UBE2E2: variants seen among roughly 807,000 people sequenced by gnomAD.
The protein encoded by UBE2E2 is ubiquitin-conjugating enzyme E2 E2.
A neutral mutation model predicts 24.7 loss-of-function variants in UBE2E2; 6 were observed. The observed-to-expected ratio is 0.24, with a 90% confidence interval of 0.13 to 0.48. The LOEUF (loss-of-function observed/expected upper bound fraction) is 0.48, where lower values mean the gene tolerates loss of function less well. Among genes scored for constraint, UBE2E2 ranks in the 20% least tolerant of loss-of-function variants. The probability of loss-of-function intolerance (pLI) is 0.99; values close to 1 mark genes in which losing one functional copy is unlikely to be tolerated. For missense variants in UBE2E2, 169 were observed against 245.0 expected (o/e 0.69, Z 2.07); for synonymous variants, 104 against 83.6 (o/e 1.24, Z -1.33).
intron 5 of UBE2E2, among the ~76,000 whole-genome samples, chr3:23,582,690 A>G (rs1413344997): frequency 1.3e-5 from 2 of 152,110 alleles, no homozygotes; most frequent in Admixed American, 6.6e-5. Flanking sequence ...GGCCACATAT[A>G]TGCCTTCTTT....
In UBE2E2 at chr3:23,583,624, T is replaced by C. The variant is rs1479262609; in HGVS notation, c.509-6110T>C. 5.9e-5 allele frequency among the ~76,000 whole-genome samples: 9 copies of C among 152,310 alleles called. No individual in the cohort carries two copies. The East Asian group carries it at 1.7e-3, about 29-fold the overall frequency. Reference sequence around the variant, plus strand: ...TTTGAGCAGTGATTTGTAATTCTCATTGTAAAGATCTTTCACCTCCCTGGT... The same window carrying C: ...TTTGAGCAGTGATTTGTAATTCTCACTGTAAAGATCTTTCACCTCCCTGGT... On this transcript the variant is annotated intron_variant, in intron 5 of 5. Transcript: ENST00000396703. The surrounding 1 kb of genome is among the most constrained non-coding windows in gnomAD (Gnocchi z 4.1).
intron 3 of UBE2E2, among the ~76,000 whole-genome samples, chr3:23,361,144 G>A (rs1409424259): frequency 6.6e-6 from 1 of 152,142 alleles, no homozygotes; most frequent in African/African-American, 2.4e-5. Context: ...CCTTACTCCT[G>A]TAAGAATGGC....
chr3:23,530,012 A>T (rs1048998718), intron 4 of UBE2E2, among the ~76,000 whole-genome samples: 2 of 152,234 alleles, frequency 1.3e-5, no homozygotes, highest in Non-Finnish European at 2.9e-5. Context: ...TCATTCAGCA[A>T]TAATAGTAAC....
intron 1 of UBE2E2, chr3:23,204,849 CAG>C: frequency 1.3e-6 from 1 of 741,696 alleles, no homozygotes; most frequent in Non-Finnish European, 1.6e-6. Context: ...ACATATATGA[CAG>C]AATTAAACGC....
At chr3:23,345,532 C>G (rs542732403) in intron 3 of UBE2E2, among the ~76,000 whole-genome samples, 1 of 152,186 alleles carries the variant, frequency 6.6e-6, no homozygotes, top group East Asian at 1.9e-4. Context: ...TTAAGTATTA[C>G]GTACTTAAGA....
chr3:23,237,061 C>G (rs1159611058), intron 3 of UBE2E2, among the ~76,000 whole-genome samples: 1 of 152,166 alleles, frequency 6.6e-6, no homozygotes, highest in Non-Finnish European at 1.5e-5. Flanking sequence ...ACTACGTATA[C>G]ATAGCCTCTT....
chr3:23,456,889 C>G (rs145327323), intron 3 of UBE2E2, among the ~76,000 whole-genome samples: 4 of 152,156 alleles, frequency 2.6e-5, no homozygotes, highest in Non-Finnish European at 4.4e-5. Flanking sequence ...CTCTCTAGCT[C>G]GGAAAGTCCT....
intron 3 of UBE2E2, among the ~76,000 whole-genome samples, chr3:23,278,152 G>A (rs1698410385): frequency 6.6e-6 from 1 of 152,008 alleles, no homozygotes; most frequent in African/African-American, 2.4e-5. Context: ...TTTTCAGAGA[G>A]CAATTTTCTA....
rs550558966 is a variant in UBE2E2, at chr3:23,439,147, T to A, written c.228-60461T>A. On this transcript the variant is annotated intron_variant, in intron 3 of 5. Transcript: ENST00000396703. ...AAAGAAATGTTTCAATTTCTTGACA[T>A]TGAATTCATGATGTTTTGCTTTTAA... Among the ~76,000 whole-genome samples the A allele has an allele frequency of 4.3e-4, 66 of 152,362 alleles. 1 individual carries two copies. Among genetic ancestry groups the A allele is most frequent in the African/African-American group, 1.6e-3 (65 of 41,580 alleles).
intron 3 of UBE2E2, among the ~76,000 whole-genome samples, chr3:23,384,477 C>G (rs918113497): frequency 6.6e-6 from 1 of 151,592 alleles, no homozygotes; most frequent in Non-Finnish European, 1.5e-5. Context: ...AAGTCTTACA[C>G]TAAAAAAGGG....
At chr3:23,514,593 A>T (rs911698840) in intron 4 of UBE2E2, among the ~76,000 whole-genome samples, 1 of 151,816 alleles carries the variant, frequency 6.6e-6, no homozygotes, top group Non-Finnish European at 1.5e-5. Context: ...ATATTTTATT[A>T]TTATTATTAT....
intron 3 of UBE2E2, among the ~76,000 whole-genome samples, chr3:23,221,435 A>G (rs1696638217): frequency 6.6e-6 from 1 of 152,170 alleles, no homozygotes; most frequent in South Asian, 2.1e-4. Context: ...GCCTTTTAGC[A>G]GTCACTCCTT....
At chr3:23,240,924 A>C (rs1697243028) in intron 3 of UBE2E2, among the ~76,000 whole-genome samples, 1 of 152,176 alleles carries the variant, frequency 6.6e-6, no homozygotes, top group Non-Finnish European at 1.5e-5. Context: ...CTTATATATT[A>C]ACACTTAAGG....
intron 5 of UBE2E2, among the ~76,000 whole-genome samples, chr3:23,574,979 T>C (rs1017940548): frequency 6.6e-6 from 1 of 152,164 alleles, no homozygotes. Context: ...TCAAAGGAAA[T>C]GCGCATTGGA....
At chr3:23,290,295 G>T (rs1012263342) in intron 3 of UBE2E2, among the ~76,000 whole-genome samples, 1 of 152,176 alleles carries the variant, frequency 6.6e-6, no homozygotes, top group African/African-American at 2.4e-5. Flanking sequence ...AGCTGGTGAC[G>T]CTGCAAAGGG....
chr3:23,452,220 A>T (rs186335753), intron 3 of UBE2E2, among the ~76,000 whole-genome samples: 46 of 152,334 alleles, frequency 3.0e-4, no homozygotes, highest in Admixed American at 1.6e-3. Flanking sequence ...CACACTTTCA[A>T]CAGCACGATA....
At chr3:23,237,746 C>G (rs549578661) in intron 3 of UBE2E2, among the ~76,000 whole-genome samples, 1 of 152,168 alleles carries the variant, frequency 6.6e-6, no homozygotes, top group East Asian at 1.9e-4. Context: ...AGAGGTCTTA[C>G]GTCTTTGCTG....
intron 3 of UBE2E2, among the ~76,000 whole-genome samples, chr3:23,419,077 C>T (rs763537577): frequency 2.0e-5 from 3 of 152,016 alleles, no homozygotes; most frequent in South Asian, 2.1e-4. Flanking sequence ...CTTCAGCTTC[C>T]TGAGTAGCTA....
chr3:23,437,666 C>T (rs1004090916), intron 3 of UBE2E2, among the ~76,000 whole-genome samples: 4 of 152,182 alleles, frequency 2.6e-5, no homozygotes, highest in African/African-American at 7.2e-5. Context: ...ACAGTAGAAT[C>T]GAACCTCACT....
Sources: allele counts gnomAD v4.1 joint callset (sites outside exome capture counted in the v4.1 genomes callset), GRCh38; gene constraint gnomAD v4.1.1; non-coding constraint Gnocchi (gnomAD v3.1); transcripts MANE v1.5; gene names NCBI Gene and HGNC (gene_info 2026-07-23, HGNC 2026-07-21).